PDCD10: variants seen among roughly 807,000 people sequenced by gnomAD.
PDCD10 encodes the protein programmed cell death 10, also known as programmed cell death protein 10.
A neutral mutation model predicts 29.2 loss-of-function variants in PDCD10; 4 were observed. That is an observed-to-expected ratio of 0.14 (90% CI 0.07 to 0.31). The LOEUF is 0.31. Ranked by LOEUF, PDCD10 falls within the 10% of genes least tolerant of loss-of-function variation. PDCD10 has a pLI of 1.00. For synonymous variants in PDCD10, 70 were observed against 82.2 expected, an observed-to-expected ratio of 0.85 and a Z score of 0.80; for missense variants, 183 against 257.9, an observed-to-expected ratio of 0.71 and a Z score of 1.99.
At chr3:167,690,541 T>C (rs1273402769) in intron 6 of PDCD10, among the ~76,000 whole-genome samples, 4 of 152,224 alleles carry the variant, frequency 2.6e-5, no homozygotes, top group Non-Finnish European at 5.9e-5. Context: ...CTCCACTAGT[T>C]TTCCATTAGT....
intron 3 of PDCD10, among the ~76,000 whole-genome samples, chr3:167,708,887 T>C (rs1015373466): frequency 5.9e-5 from 9 of 152,208 alleles, no homozygotes; most frequent in African/African-American, 1.9e-4. Flanking sequence ...AGTACTATTT[T>C]AAACACTTTA....
At chr3:167,728,870 G>A (rs1318955668) in intron 2 of PDCD10, among the ~76,000 whole-genome samples, 1 of 152,212 alleles carries the variant, frequency 6.6e-6, no homozygotes, top group Non-Finnish European at 1.5e-5. Context: ...ACAGTGACAT[G>A]TCACACTGCC....
intron 4 of PDCD10, among the ~76,000 whole-genome samples, 157 bp from the exon 5 acceptor site, chr3:167,697,283 GGCTTTGTTAGA>G (rs1446343398): frequency 1.2e-4 from 18 of 152,192 alleles, no homozygotes; most frequent in Admixed American, 6.5e-4. Flanking sequence ...CATTCACTAA[GGCTTTGTTAGA>G]GCTTGTGCAC....
intron 2 of PDCD10, among the ~76,000 whole-genome samples, chr3:167,726,419 A>G (rs1724186317): frequency 5.9e-5 from 9 of 152,084 alleles, no homozygotes; most frequent in Admixed American, 3.9e-4. Flanking sequence ...TTCTTAATAC[A>G]GAAATTTATA....
At chr3:167,721,331 C>G (rs1233255024) in intron 2 of PDCD10, among the ~76,000 whole-genome samples, 4 of 152,108 alleles carry the variant, frequency 2.6e-5, no homozygotes, top group Admixed American at 6.5e-5. Context: ...AGACCCAAGA[C>G]TTGATCCCAG....
chr3:167,701,897 G>GT (rs1220666141), intron 4 of PDCD10, among the ~76,000 whole-genome samples: 1 of 151,950 alleles, frequency 6.6e-6, no homozygotes, highest in Non-Finnish European at 1.5e-5. Context: ...TGTAGATATG[G>GT]TTAAAAAAAA....
At chr3:167,714,381 G>A (rs892151578) in intron 3 of PDCD10, among the ~76,000 whole-genome samples, 1 of 151,640 alleles carries the variant, frequency 6.6e-6, no homozygotes, top group Admixed American at 6.6e-5. Context: ...TCTACGATGT[G>A]GTAAACGACA....
At chr3:167,704,779 C>G (rs1470943274) in intron 4 of PDCD10, 63 bp downstream of exon 4, 1 of 1,112,242 alleles carries the variant, frequency 9.0e-7, no homozygotes, top group Non-Finnish European at 1.4e-6. Context: ...GCAACCATCA[C>G]ATGTACTTAC....
intron 2 of PDCD10, among the ~76,000 whole-genome samples, chr3:167,721,026 G>A (rs1723507007): frequency 6.6e-6 from 1 of 151,996 alleles, no homozygotes; most frequent in Non-Finnish European, 1.5e-5. Context: ...TTTGCCTTGA[G>A]GTGTTAAGGA....
intron 6 of PDCD10, 152 bp downstream of exon 6, chr3:167,695,444 C>G: frequency 1.4e-6 from 1 of 701,420 alleles, no homozygotes; most frequent in Non-Finnish European, 2.5e-6. Flanking sequence ...AAACCAAACG[C>G]CATAAAGTTA....
At chr3:167,712,689 A>G (rs1380809795) in intron 3 of PDCD10, among the ~76,000 whole-genome samples, 1 of 151,950 alleles carries the variant, frequency 6.6e-6, no homozygotes, top group Non-Finnish European at 1.5e-5. Context: ...ATTAAAAAAC[A>G]AGAACAACCT....
intron 2 of PDCD10, among the ~76,000 whole-genome samples, chr3:167,724,077 G>A (rs1206222096): frequency 6.6e-6 from 1 of 152,146 alleles, no homozygotes; most frequent in Non-Finnish European, 1.5e-5. Context: ...CTCATTTAAA[G>A]AGCCACACAT....
chr3:167,704,350 C>T lies in PDCD10; in HGVS notation c.150+492G>A, dbSNP rs147927342. On this transcript the variant is annotated intron_variant, in intron 4 of 8. Coordinates refer to ENST00000392750, the MANE Select transcript of PDCD10 (RefSeq NM_007217.4). ...TCTAGCAATCCTCCTGCCTCAGCCT[C>T]CTGAGTAGCAAGAATGACAGGCACG... is the stretch of plus-strand genomic sequence containing the variant. 3.2e-3 allele frequency among the ~76,000 whole-genome samples: 494 copies of T among 152,190 alleles called. 3 individuals are homozygous for T. The highest frequency in any genetic ancestry group is 0.011 in the African/African-American group (463 of 41,534).
chr3:167,707,882 A>C (rs1024557343), intron 3 of PDCD10, among the ~76,000 whole-genome samples: 1 of 152,120 alleles, frequency 6.6e-6, no homozygotes, highest in African/African-American at 2.4e-5. Flanking sequence ...CCAGTAAAAG[A>C]GTAAGAGAAA....
At chr3:167,720,315 G>A (rs1036209507) in intron 2 of PDCD10, 42 bp from the exon 3 acceptor site, 14 of 602,800 alleles carry the variant, frequency 2.3e-5, no homozygotes, top group African/African-American at 2.2e-4. Context: ...ACTATATTAA[G>A]GAGAAACGAC....
rs368357130 is a variant in PDCD10, at chr3:167,719,315, T to C, written c.96+747A>G. Among the ~76,000 whole-genome samples, 11 of 152,248 alleles carry C rather than the reference T, an allele frequency of 7.2e-5. No homozygotes were observed. The East Asian group carries it at 1.7e-3, about 24-fold the overall frequency. On this transcript the variant is annotated intron_variant, in intron 3 of 8. Transcript: ENST00000392750. Reference sequence around the variant, plus strand: ...CCATTGAATTTGAAGTCTGGAGATCTTGATTTGATTTGTTATAGGTAATTT... The same window carrying C: ...CCATTGAATTTGAAGTCTGGAGATCCTGATTTGATTTGTTATAGGTAATTT...
chr3:167,723,848 T>TA (rs1350900346), intron 2 of PDCD10, among the ~76,000 whole-genome samples: 1 of 152,246 alleles, frequency 6.6e-6, no homozygotes, highest in African/African-American at 2.4e-5. Context: ...ACACAGAGTA[T>TA]AAGCAATCTT....
chr3:167,714,531 T>A (rs1722824962), intron 3 of PDCD10, among the ~76,000 whole-genome samples: 1 of 152,006 alleles, frequency 6.6e-6, no homozygotes. Flanking sequence ...GATATGATCT[T>A]ATATTTGGAG....
intron 3 of PDCD10, among the ~76,000 whole-genome samples, 200 bp from the exon 4 acceptor site, chr3:167,705,095 A>G (rs1438407007): frequency 1.3e-5 from 2 of 152,160 alleles, no homozygotes; most frequent in Admixed American, 1.3e-4. Flanking sequence ...TTTTTTATTA[A>G]AAAAATTAAA....
Sources: gnomAD v4.1 joint callset for allele counts (sites outside exome capture counted in the v4.1 genomes callset) on GRCh38, gnomAD v4.1.1 for gene constraint, MANE v1.5 for transcripts, NCBI Gene and HGNC (gene_info 2026-07-23, HGNC 2026-07-21) for gene names.